The following ZNF536 variants were observed in gnomAD, a reference collection of about 807,000 sequenced individuals.
ZNF536 encodes zinc finger protein 536.
A neutral mutation model predicts 84.5 loss-of-function variants in ZNF536; 13 were observed. The ratio of observed to expected loss-of-function variants is 0.15; its 90% CI spans 0.10 to 0.24. ZNF536 has a LOEUF of 0.24. Ranked by LOEUF, ZNF536 falls within the 10% of genes least tolerant of loss-of-function variation. ZNF536 has a pLI of 1.00. For synonymous variants in ZNF536, 811 were observed against 742.5 expected, an observed-to-expected ratio of 1.09 and a Z score of -1.50; for missense variants, 1,536 against 1,747.5, an observed-to-expected ratio of 0.88 and a Z score of 2.16.
intron 1 of ZNF536, among the ~76,000 whole-genome samples, chr19:30,233,525 T>C (rs2023240680): frequency 6.6e-6 from 1 of 151,868 alleles, no homozygotes; most frequent in East Asian, 1.9e-4. Flanking sequence ...ACATTTTTTT[T>C]TTTTTAGAGA....
Position 30,667,432 on chromosome 19 carries a change from G to A in ZNF536, c.170-43325G>A, listed in dbSNP as rs139337498. On this transcript the variant is annotated intron_variant, in intron 1 of 1. Coordinates refer to the ZNF536 transcript ENST00000592773. ...GCTATCAGCCTCTCCCTCTGTGTGC[G>A]TTAGCTGCTTTCTGTGTCCATCCGG... Among the ~76,000 whole-genome samples the A allele has an allele frequency of 3.0e-4, 45 of 152,150 alleles. No homozygotes were observed. In the East Asian group the frequency reaches 7.0e-3, roughly 24 times the overall value.
intron 2 of ZNF536, among the ~76,000 whole-genome samples, chr19:30,288,941 C>T (rs1322828513): frequency 6.6e-6 from 1 of 152,132 alleles, no homozygotes; most frequent in Non-Finnish European, 1.5e-5. Flanking sequence ...TGCTAGGAAC[C>T]CCAAGATGTT....
intron 1 of ZNF536, among the ~76,000 whole-genome samples, chr19:30,375,466 G>T (rs1015254628): frequency 2.8e-4 from 42 of 152,276 alleles, no homozygotes; most frequent in Middle Eastern, 3.4e-3. Context: ...CGCGCCCCCG[G>T]CCCCTGTCCG....
At chr19:30,234,813 G>A (rs1328053521) in intron 1 of ZNF536, among the ~76,000 whole-genome samples, 8 of 151,960 alleles carry the variant, frequency 5.3e-5, no homozygotes, top group Non-Finnish European at 1.0e-4. Context: ...GCTTTACTTA[G>A]GTTGTGAAAG....
chr19:30,608,799 G>A (rs531962541), intron 1 of ZNF536, among the ~76,000 whole-genome samples: 2 of 152,186 alleles, frequency 1.3e-5, no homozygotes, highest in Non-Finnish European at 2.9e-5. Context: ...GAAGATATAG[G>A]ACTTTCACTC....
chr19:30,323,209 C>A (rs555661861), intron 2 of ZNF536, among the ~76,000 whole-genome samples: 2 of 152,194 alleles, frequency 1.3e-5, no homozygotes, highest in Non-Finnish European at 2.9e-5. Flanking sequence ...GCCTGCTGAA[C>A]GTGAAGGCAA....
chr19:30,379,038 A>G (rs778167193), intron 1 of ZNF536, among the ~76,000 whole-genome samples: 18 of 152,148 alleles, frequency 1.2e-4, no homozygotes, highest in Non-Finnish European at 2.5e-4. Context: ...GGTCCTGAAG[A>G]TGGGCAGTTG....
chr19:30,342,014 T>C (rs2047580359), intron 2 of ZNF536, among the ~76,000 whole-genome samples: 1 of 152,240 alleles, frequency 6.6e-6, no homozygotes, highest in South Asian at 2.1e-4. Context: ...TCCATGCAAA[T>C]TGTCCTTGGA....
intron 2 of ZNF536, among the ~76,000 whole-genome samples, chr19:30,505,236 T>TTAATA (rs10626249): frequency 0.36 from 53,251 of 146,780 alleles, 11,758 homozygotes; most frequent in African/African-American, 0.63. Flanking sequence ...ATGTTAATAT[T>TTAATA]TAATATATTT....
intron 1 of ZNF536, among the ~76,000 whole-genome samples, chr19:30,376,928 C>T (rs998867997): frequency 2.4e-4 from 36 of 152,296 alleles, no homozygotes; most frequent in South Asian, 1.2e-3. Flanking sequence ...ACAGTGGGTA[C>T]GGGGCAGATG....
intron 2 of ZNF536, among the ~76,000 whole-genome samples, chr19:30,455,130 C>T (rs1018171241): frequency 6.6e-6 from 1 of 152,188 alleles, no homozygotes; most frequent in Admixed American, 6.5e-5. Flanking sequence ...TGTTGTTGTT[C>T]AATGACTTCA....
At chr19:30,456,498 G>A (rs1053894236) in intron 2 of ZNF536, among the ~76,000 whole-genome samples, 6 of 152,016 alleles carry the variant, frequency 3.9e-5, no homozygotes, top group South Asian at 2.1e-4. Context: ...TGTGTGCTGC[G>A]GCTCTAGACT....
intron 1 of ZNF536, among the ~76,000 whole-genome samples, chr19:30,610,143 T>G (rs1221770557): frequency 6.6e-6 from 1 of 152,258 alleles, no homozygotes; most frequent in African/African-American, 2.4e-5. Flanking sequence ...AACTTCTTTC[T>G]AGTGGAAGTA....
intron 1 of ZNF536, among the ~76,000 whole-genome samples, chr19:30,429,755 G>A (rs377512733): frequency 6.6e-6 from 1 of 152,246 alleles, no homozygotes; most frequent in African/African-American, 2.4e-5. Context: ...AGAGTCAGAA[G>A]GGCTTACTGA....
chr19:30,546,381 G>A (rs1041150008), intron 3 of ZNF536, among the ~76,000 whole-genome samples: 5 of 152,148 alleles, frequency 3.3e-5, no homozygotes, highest in African/African-American at 1.2e-4. Context: ...TCCCTTCCTA[G>A]ACCTAAGGGC....
At chr19:30,440,896 T>C (rs957768800) in intron 1 of ZNF536, among the ~76,000 whole-genome samples, 2 of 146,826 alleles carry the variant, frequency 1.4e-5, no homozygotes, top group Admixed American at 1.3e-4. Flanking sequence ...GATAGATAGA[T>C]AGATAGATAG....
chr19:30,443,043 GTT>G (rs199802157), intron 1 of ZNF536, among the ~76,000 whole-genome samples: 23,120 of 135,248 alleles, frequency 0.17, 1,560 homozygotes, highest in Middle Eastern at 0.21. Flanking sequence ...TTTTTTGTTT[GTT>G]TTTTTTTTTT....
chr19:30,397,829 A>G (rs1004559687), intron 1 of ZNF536, among the ~76,000 whole-genome samples: 1 of 152,248 alleles, frequency 6.6e-6, no homozygotes, highest in African/African-American at 2.4e-5. Flanking sequence ...TCAGAAATAA[A>G]TAGGCATGAG....
At chr19:30,402,895 C>T (rs971440670) in intron 1 of ZNF536, among the ~76,000 whole-genome samples, 1 of 150,016 alleles carries the variant, frequency 6.7e-6, no homozygotes, top group Admixed American at 6.7e-5. Context: ...GTTACCCCCA[C>T]CCCACCCTGG....
Sources: gnomAD v4.1 joint callset for allele counts (sites outside exome capture counted in the v4.1 genomes callset) on GRCh38, gnomAD v4.1.1 for gene constraint, MANE v1.5 for transcripts, NCBI Gene and HGNC (gene_info 2026-07-23, HGNC 2026-07-21) for gene names.